Variants in GSE1 observed in about 807,000 individuals in gnomAD.
GSE1 encodes genetic suppressor element 1.
Under a neutral mutation model 112.6 loss-of-function variants are expected in GSE1, and 32 were observed. The observed-to-expected ratio is 0.28, with a 90% CI of 0.21 to 0.38. The LOEUF (loss-of-function observed/expected upper bound fraction) is 0.38, where lower values mean the gene tolerates loss of function less well. Ranked by LOEUF, GSE1 falls within the 10% of genes least tolerant of loss-of-function variation. GSE1 has a pLI of 1.00. For synonymous variants in GSE1, 1,115 were observed against 735.6 expected (o/e 1.52, Z -8.35); for missense variants, 2,348 against 1,699.2 (o/e 1.38, Z -6.71).
intron 1 of GSE1, among the ~76,000 whole-genome samples, chr16:85,201,791 C>G (rs1224229794): frequency 6.6e-6 from 1 of 152,180 alleles, no homozygotes; most frequent in African/African-American, 2.4e-5. Flanking sequence ...TGAGACAAAG[C>G]CGCGTAGCCT....
chr16:85,359,362 C>G, intron 2 of GSE1: 2 of 455,970 alleles, frequency 4.4e-6, no homozygotes, highest in Non-Finnish European at 8.8e-6. Flanking sequence ...AGCCCTGCCC[C>G]AGGAAACCAG....
intron 2 of GSE1, among the ~76,000 whole-genome samples, chr16:85,481,933 A>T (rs947232737): frequency 6.6e-6 from 1 of 152,212 alleles, no homozygotes; most frequent in African/African-American, 2.4e-5. Flanking sequence ...TCAGCCGCCG[A>T]CGGACCATAC....
At chr16:85,653,364 T>C in intron 3 of GSE1, among the ~76,000 whole-genome samples, 2 of 127,800 alleles carry the variant, frequency 1.6e-5, no homozygotes, top group East Asian at 2.4e-4. Flanking sequence ...GCAAGGCCTT[T>C]TCATGCTCTG....
intron 1 of GSE1, among the ~76,000 whole-genome samples, chr16:85,227,119 A>T (rs950813264): frequency 2.0e-5 from 3 of 151,682 alleles, no homozygotes; most frequent in Admixed American, 1.3e-4. Context: ...CCATCCATCC[A>T]TCCATCCATC....
chr16:85,348,365 C>T (rs1212671435), intron 1 of GSE1, among the ~76,000 whole-genome samples: 2 of 152,144 alleles, frequency 1.3e-5, no homozygotes, highest in Non-Finnish European at 2.9e-5. Context: ...TCAACCCATC[C>T]AGTTTAAAGC....
At chr16:85,513,751 C>T (rs911201829) in intron 2 of GSE1, among the ~76,000 whole-genome samples, 13 of 152,172 alleles carry the variant, frequency 8.5e-5, no homozygotes, top group Non-Finnish European at 1.8e-4. Flanking sequence ...CCCTGTCCTG[C>T]TCCTGAGAAA....
intron 2 of GSE1, among the ~76,000 whole-genome samples, chr16:85,634,991 T>C (rs543571103): frequency 6.6e-6 from 1 of 152,238 alleles, no homozygotes; most frequent in African/African-American, 2.4e-5. Flanking sequence ...TGGCATCCGC[T>C]TCATTCACCT....
chr16:85,295,465 C>G (rs1268786634), intron 1 of GSE1, among the ~76,000 whole-genome samples: 2 of 152,242 alleles, frequency 1.3e-5, no homozygotes, highest in African/African-American at 4.8e-5. Flanking sequence ...GCCCATCCAC[C>G]GCCGATGGCC....
intron 1 of GSE1, among the ~76,000 whole-genome samples, chr16:85,324,564 C>T (rs4782698): frequency 0.85 from 128,792 of 151,680 alleles, 54,974 homozygotes; most frequent in East Asian, 1. Context: ...CCACAAAAGC[C>T]TGTGCACACA....
At chr16:85,287,982 G>A (rs926733995) in intron 1 of GSE1, among the ~76,000 whole-genome samples, 7 of 152,360 alleles carry the variant, frequency 4.6e-5, no homozygotes, top group African/African-American at 1.2e-4. Flanking sequence ...GCTCACGCCT[G>A]TAATCCCAGC....
At chr16:85,513,236 C>G (rs2051806617) in intron 2 of GSE1, among the ~76,000 whole-genome samples, 1 of 152,044 alleles carries the variant, frequency 6.6e-6, no homozygotes. Flanking sequence ...AACCCAGACT[C>G]CAGCCCGCCT....
upstream of GSE1, chr16:85,555,156 G>T (rs896636820): frequency 3.6e-5 from 35 of 985,254 alleles, no homozygotes; most frequent in Admixed American, 6.1e-5. Context: ...CTACCCTTTC[G>T]CTTTCATTAG....
intron 2 of GSE1, among the ~76,000 whole-genome samples, chr16:85,437,098 C>T (rs769738578): frequency 2.0e-5 from 3 of 152,220 alleles, no homozygotes; most frequent in Non-Finnish European, 4.4e-5. Context: ...AGCTACCACA[C>T]CCATGAAATT....
chr16:85,373,246 C>T lies in GSE1; in HGVS notation c.2464+15603C>T, dbSNP rs745414933. On this transcript the variant is annotated intron_variant, in intron 2 of 2. Transcript: ENST00000637419. This position sits in a 1 kb window ranked among gnomAD's most constrained non-coding sequence, Gnocchi z 5.1. ...CCTCGAGGTGCTCCCAGGGATGGAT[C>T]GCTCCATGCTGGGATCCCCCACTCT... Among the ~76,000 whole-genome samples, 20 of 152,340 alleles carry T rather than the reference C, an allele frequency of 1.3e-4. No individual in the cohort carries two copies. The highest frequency in any genetic ancestry group is 2.4e-4 in the Non-Finnish European group (16 of 68,020).
intron 2 of GSE1, among the ~76,000 whole-genome samples, chr16:85,526,314 G>A (rs1047161330): frequency 1.3e-5 from 2 of 152,272 alleles, no homozygotes; most frequent in Non-Finnish European, 2.9e-5. Context: ...GATGGGGCGT[G>A]CAAGGCAATG....
intron 1 of GSE1, among the ~76,000 whole-genome samples, chr16:85,196,310 A>G (rs2074926058): frequency 6.6e-6 from 1 of 152,090 alleles, no homozygotes; most frequent in Admixed American, 6.6e-5. Context: ...GTCCTCTGGA[A>G]CTTTGTTCCA....
chr16:85,398,451 T>C (rs879291530), intron 2 of GSE1, among the ~76,000 whole-genome samples: 16 of 152,072 alleles, frequency 1.1e-4, no homozygotes, highest in Non-Finnish European at 1.9e-4. Flanking sequence ...GCTTGATGTC[T>C]GTGGGTAAGT....
At chr16:85,291,257 C>T (rs2045202140) in intron 1 of GSE1, among the ~76,000 whole-genome samples, 1 of 152,234 alleles carries the variant, frequency 6.6e-6, no homozygotes, top group Non-Finnish European at 1.5e-5. Flanking sequence ...CTGCTCAGAG[C>T]TTGAGTAGGA....
chr16:85,379,429 C>T (rs1219154519), intron 2 of GSE1, among the ~76,000 whole-genome samples: 1 of 152,178 alleles, frequency 6.6e-6, no homozygotes, highest in Non-Finnish European at 1.5e-5. Context: ...GTGGTCTTCC[C>T]CTCCTCTTCT....
Sources: allele counts gnomAD v4.1 joint callset (sites outside exome capture counted in the v4.1 genomes callset), GRCh38; gene constraint gnomAD v4.1.1; non-coding constraint Gnocchi (gnomAD v3.1); transcripts MANE v1.5; gene names NCBI Gene and HGNC (gene_info 2026-07-23, HGNC 2026-07-21).